The following TRAPPC12 variants were observed in gnomAD, a reference collection of about 807,000 sequenced individuals.
TRAPPC12 encodes TPR repeat protein 15.
A neutral mutation model predicts 69.2 loss-of-function variants in TRAPPC12; 61 were observed. The ratio of observed to expected loss-of-function variants is 0.88; its 90% CI spans 0.72 to 1.09. The LOEUF (loss-of-function observed/expected upper bound fraction) is 1.09. Among genes scored for constraint, TRAPPC12 ranks in the 50% least tolerant of loss-of-function variants. The pLI is 0.00. For synonymous variants in TRAPPC12, 469 were observed against 438.9 expected (o/e 1.07, Z -0.86); for missense variants, 1,101 against 1,016.4 (o/e 1.08, Z -1.13).
chr2:3,446,089 G>A (rs577141569), intron 6 of TRAPPC12, among the ~76,000 whole-genome samples: 10 of 152,236 alleles, frequency 6.6e-5, no homozygotes, highest in Non-Finnish European at 1.3e-4. Flanking sequence ...TGGGGCCACC[G>A]TCAGTGAGAG....
At chr2:3,472,885 G>A (rs1418626714) in intron 9 of TRAPPC12, among the ~76,000 whole-genome samples, 2 of 152,156 alleles carry the variant, frequency 1.3e-5, no homozygotes, top group Non-Finnish European at 2.9e-5. Context: ...GTCCCTGGTT[G>A]GAAAATCACC....
intron 9 of TRAPPC12, chr2:3,467,924 C>T (rs1467824719): frequency 6.6e-6 from 1 of 152,346 alleles, no homozygotes; most frequent in East Asian, 1.9e-4. Flanking sequence ...TCCCTCGTCC[C>T]CCGTCCTGCG....
chr2:3,440,679 C>T lies in TRAPPC12; in HGVS notation c.1418-3100C>T, dbSNP rs575899428. ...TGGTTTTCTTGTCATTGCATTAGCT[C>T]GAACTTCCAGTACAATGTTCAGTAG... is the stretch of plus-strand genomic sequence containing the variant. On this transcript the variant is annotated intron_variant, in intron 5 of 11. Transcript: ENST00000324266. 5.3e-5 allele frequency among the ~76,000 whole-genome samples: 8 copies of T among 152,206 alleles called. No homozygotes were observed. In the South Asian group the frequency reaches 6.2e-4, roughly 12 times the overall value.
At chr2:3,463,195 A>T (rs1315316026) in intron 8 of TRAPPC12, 1 of 295,438 alleles carries the variant, frequency 3.4e-6, no homozygotes, top group Non-Finnish European at 6.8e-6. Flanking sequence ...CAGTAAATAA[A>T]GTCATTAAGT....
At chr2:3,453,305 C>T (rs1664950913) in intron 6 of TRAPPC12, among the ~76,000 whole-genome samples, 1 of 152,222 alleles carries the variant, frequency 6.6e-6, no homozygotes, top group African/African-American at 2.4e-5. Context: ...CTCCATGGAG[C>T]TCCTGACCCA....
At chr2:3,466,728 T>C (rs555810661) in intron 9 of TRAPPC12, among the ~76,000 whole-genome samples, 1 of 152,228 alleles carries the variant, frequency 6.6e-6, no homozygotes, top group South Asian at 2.1e-4. Context: ...GCCCCTGTGG[T>C]GGGGCACAGC....
chr2:3,473,946 C>G (rs1666178719), intron 9 of TRAPPC12, among the ~76,000 whole-genome samples: 1 of 152,208 alleles, frequency 6.6e-6, no homozygotes, highest in Non-Finnish European at 1.5e-5. Context: ...CATCTGACTC[C>G]CACACCACAG....
At chr2:3,398,919 A>C (rs376914658) in intron 2 of TRAPPC12, among the ~76,000 whole-genome samples, 7 of 152,312 alleles carry the variant, frequency 4.6e-5, no homozygotes, top group African/African-American at 1.7e-4. Flanking sequence ...ATTCCATCCC[A>C]GGTGTAGTAG....
intron 4 of TRAPPC12, among the ~76,000 whole-genome samples, chr2:3,422,422 TAAAAA>T (rs955843365): frequency 3.3e-5 from 5 of 151,090 alleles, no homozygotes; most frequent in Non-Finnish European, 7.4e-5. Flanking sequence ...CTCTGAAATT[TAAAAA>T]AAAAGAAAAA....
At chr2:3,409,749 TTAAAAAAAAA>T (rs1661944411) in intron 3 of TRAPPC12, among the ~76,000 whole-genome samples, 4 of 88,728 alleles carry the variant, frequency 4.5e-5, no homozygotes, top group East Asian at 3.0e-4. Flanking sequence ...GACTTTGTCT[TTAAAAAAAAA>T]AAAAAAAAAA....
At chr2:3,421,551 G>C (rs572377712) in intron 3 of TRAPPC12, 10 of 505,400 alleles carry the variant, frequency 2.0e-5, no homozygotes, top group South Asian at 1.9e-4. Context: ...AAGGAAACCA[G>C]TCATATAGAT....
At chr2:3,435,460 A>G (rs966794090) in intron 5 of TRAPPC12, among the ~76,000 whole-genome samples, 4 of 152,212 alleles carry the variant, frequency 2.6e-5, no homozygotes, top group Admixed American at 1.3e-4. Context: ...TTTATTCAAT[A>G]TGTCCCCCAA....
At chr2:3,383,342 C>T (rs1036131472) in intron 1 of TRAPPC12, among the ~76,000 whole-genome samples, 2 of 152,078 alleles carry the variant, frequency 1.3e-5, no homozygotes, top group Admixed American at 6.6e-5. Flanking sequence ...AATATATTCT[C>T]TTATATTTTC....
At chr2:3,445,893 C>G (rs1484616562) in intron 6 of TRAPPC12, among the ~76,000 whole-genome samples, 3 of 152,258 alleles carry the variant, frequency 2.0e-5, no homozygotes, top group Non-Finnish European at 4.4e-5. Context: ...GGGCCCTGCC[C>G]CTTCCCCCTG....
intron 3 of TRAPPC12, among the ~76,000 whole-genome samples, chr2:3,411,305 T>C (rs2103490609): frequency 6.6e-6 from 1 of 152,302 alleles, no homozygotes. Context: ...CGTCACTGTG[T>C]GGAGAGAAGT....
intron 7 of TRAPPC12, 104 bp downstream of exon 7, chr2:3,457,797 A>T: frequency 6.6e-7 from 1 of 1,516,222 alleles, no homozygotes; most frequent in Non-Finnish European, 8.8e-7. Flanking sequence ...TTCTGTAGTC[A>T]GCACTGCACG....
At chr2:3,467,757 C>T (rs755950155) in intron 9 of TRAPPC12, 1 of 152,396 alleles carries the variant, frequency 6.6e-6, no homozygotes, top group African/African-American at 2.4e-5. Context: ...CAGACCCCCA[C>T]CCAGTTCTGA....
intron 5 of TRAPPC12, among the ~76,000 whole-genome samples, chr2:3,426,106 T>G (rs1337904941): frequency 6.6e-6 from 1 of 152,198 alleles, no homozygotes; most frequent in Non-Finnish European, 1.5e-5. Flanking sequence ...TTGATGGAGA[T>G]TTTTATCATT....
rs773956197 is a variant in TRAPPC12, at chr2:3,389,791, G to A, written c.1047+1121G>A. The A allele has an allele frequency of 1.3e-4, 55 of 437,202 alleles. 1 individual carries two copies. The Middle Eastern group carries it at 2.0e-3, about 16-fold the overall frequency. 27.1% of individuals were successfully genotyped at this position (437,202 alleles called of 1,614,324 possible). On this transcript the variant is annotated intron_variant, in intron 2 of 11. Transcript: ENST00000324266. ...CCGACAACCAGAGTGTGAGGAGGGC[G>A]GACGAGTTTTATTGAGCACAAAACA...
Sources: gnomAD v4.1 joint callset for allele counts (sites outside exome capture counted in the v4.1 genomes callset) on GRCh38, gnomAD v4.1.1 for gene constraint, MANE v1.5 for transcripts, NCBI Gene and HGNC (gene_info 2026-07-23, HGNC 2026-07-21) for gene names.